Variants in NIPBL observed in about 807,000 individuals in gnomAD.
NIPBL encodes the protein NIPBL cohesin loading factor.
NIPBL carries 19 observed loss-of-function variants against 321.8 expected under a neutral mutation model. The ratio of observed to expected loss-of-function variants is 0.06; its 90% CI spans 0.04 to 0.09. The LOEUF is 0.09. NIPBL is among the 10% of genes least tolerant of loss of function. The pLI, the probability that NIPBL is intolerant of heterozygous loss-of-function variation, is 1.00. For missense variants in NIPBL, 2,210 were observed against 3,327.0 expected (o/e 0.66, Z 8.26); for synonymous variants, 1,106 against 1,114.1 (o/e 0.99, Z 0.14).
chr5:36,957,310 G>A (rs1051454322), intron 3 of NIPBL, among the ~76,000 whole-genome samples: 2 of 152,168 alleles, frequency 1.3e-5, no homozygotes, highest in Non-Finnish European at 2.9e-5. Context: ...AGCAATGTAA[G>A]ATGGAAAAAT....
chr5:36,944,272 C>T (rs1739426268), intron 1 of NIPBL, among the ~76,000 whole-genome samples: 1 of 152,068 alleles, frequency 6.6e-6, no homozygotes, highest in Non-Finnish European at 1.5e-5. Flanking sequence ...TGAGTTAGAG[C>T]AGGATAGAGA....
At chr5:37,061,101 A>G (rs560854431) in intron 45 of NIPBL, 83 bp downstream of exon 45, 43 of 958,546 alleles carry the variant, frequency 4.5e-5, no homozygotes, top group East Asian at 3.4e-4. Flanking sequence ...GGAGATAACT[A>G]TCTCCTTCAC....
At chr5:36,982,137 A>T (rs1283770924) in intron 9 of NIPBL, 1 of 667,000 alleles carries the variant, frequency 1.5e-6, no homozygotes, top group Non-Finnish European at 1.9e-6. Flanking sequence ...TGAGATTATG[A>T]TAATCCTTTT....
At chr5:37,010,787 C>A (rs1372859715) in intron 21 of NIPBL, among the ~76,000 whole-genome samples, 1 of 152,036 alleles carries the variant, frequency 6.6e-6, no homozygotes, top group East Asian at 1.9e-4. Context: ...TAATACTTAT[C>A]AAAACTGCTA....
intron 44 of NIPBL, among the ~76,000 whole-genome samples, 187 bp downstream of exon 44, chr5:37,059,352 C>A (rs1423635936): frequency 6.6e-6 from 1 of 152,052 alleles, no homozygotes; most frequent in Non-Finnish European, 1.5e-5. Context: ...ATTAAAAATA[C>A]AAAAATTAGC....
chr5:37,060,709 T>G, intron 44 of NIPBL, 135 bp from the exon 45 acceptor site: 2 of 764,060 alleles, frequency 2.6e-6, no homozygotes, highest in Admixed American at 5.4e-5. Context: ...GAAGCTGTCC[T>G]AGGATCACAA....
intron 41 of NIPBL, 119 bp from the exon 42 acceptor site, chr5:37,052,247 C>A (rs1421438237): frequency 2.6e-6 from 2 of 765,368 alleles, no homozygotes; most frequent in African/African-American, 3.5e-5. Context: ...TTCTGTGATT[C>A]GTATTATTTT....
intron 3 of NIPBL, among the ~76,000 whole-genome samples, chr5:36,957,732 C>CT (rs1741126605): frequency 6.6e-6 from 1 of 152,046 alleles, no homozygotes; most frequent in African/African-American, 2.4e-5. Context: ...CCTGTAATCC[C>CT]AGCACTTTGG....
intron 42 of NIPBL, among the ~76,000 whole-genome samples, chr5:37,056,194 C>T (rs550522822): frequency 3.3e-5 from 5 of 151,838 alleles, no homozygotes; most frequent in African/African-American, 7.3e-5. Flanking sequence ...TCATCTGTAA[C>T]GTGGGTGTTG....
intron 46 of NIPBL, 125 bp downstream of exon 46, chr5:37,064,103 G>A: frequency 2.7e-6 from 4 of 1,463,870 alleles, no homozygotes; most frequent in Non-Finnish European, 3.6e-6. Context: ...AAAACATTTT[G>A]TAGATAGAGA....
chr5:36,920,980 T>C (rs904085073), intron 1 of NIPBL, among the ~76,000 whole-genome samples: 1 of 152,178 alleles, frequency 6.6e-6, no homozygotes, highest in Non-Finnish European at 1.5e-5. Flanking sequence ...CATTCAGGAC[T>C]GTACTATAAA....
chr5:37,050,787 G>A (rs903949360), intron 40 of NIPBL, among the ~76,000 whole-genome samples: 10 of 152,080 alleles, frequency 6.6e-5, no homozygotes, highest in Non-Finnish European at 1.0e-4. Flanking sequence ...CAGTTCATTT[G>A]CAGATTCTGC....
chr5:37,043,803 A>G (rs371988964), intron 34 of NIPBL, among the ~76,000 whole-genome samples: 1 of 152,236 alleles, frequency 6.6e-6, no homozygotes, highest in East Asian at 1.9e-4. Flanking sequence ...TGACAGGACT[A>G]GATGATTCTT....
chr5:37,000,288 T>C, intron 11 of NIPBL, 85 bp from the exon 12 acceptor site: 3 of 1,321,722 alleles, frequency 2.3e-6, no homozygotes, highest in African/African-American at 1.5e-5. Flanking sequence ...AAGATTTTTT[T>C]CCCCATGTGA....
At chr5:36,902,119 T>C (rs140920812) in intron 1 of NIPBL, among the ~76,000 whole-genome samples, 1 of 152,190 alleles carries the variant, frequency 6.6e-6, no homozygotes, top group East Asian at 1.9e-4. Context: ...GTTTTCTGCT[T>C]GTTACTTTGT....
intron 37 of NIPBL, 28 bp from the exon 38 acceptor site, chr5:37,046,081 A>G: frequency 1.8e-6 from 2 of 1,123,656 alleles, no homozygotes; most frequent in Non-Finnish European, 2.7e-6. Context: ...CTGTTCATGA[A>G]CACTTTAATG....
intron 1 of NIPBL, among the ~76,000 whole-genome samples, chr5:36,948,734 A>G (rs1267425575): frequency 2.0e-5 from 3 of 151,874 alleles, no homozygotes; most frequent in Non-Finnish European, 4.4e-5. Flanking sequence ...TTTTTCCTCA[A>G]AGTGAATTTT....
chr5:36,917,136 A>G (rs576315801), intron 1 of NIPBL, among the ~76,000 whole-genome samples: 83 of 152,178 alleles, frequency 5.5e-4, no homozygotes, highest in African/African-American at 1.9e-3. Flanking sequence ...AAGTGTTCCT[A>G]TTTCTCCACA....
intron 1 of NIPBL, among the ~76,000 whole-genome samples, chr5:36,878,111 G>A (rs186818353): frequency 4.6e-4 from 70 of 152,246 alleles, no homozygotes; most frequent in African/African-American, 1.7e-3. Flanking sequence ...GCTGAGATAC[G>A]GGTAAAACCA....
Sources: gnomAD v4.1 joint callset for allele counts (sites outside exome capture counted in the v4.1 genomes callset) on GRCh38, gnomAD v4.1.1 for gene constraint, MANE v1.5 for transcripts, NCBI Gene and HGNC (gene_info 2026-07-23, HGNC 2026-07-21) for gene names.